Variants in KIRREL3 observed in about 807,000 individuals in gnomAD.
KIRREL3 encodes the protein kin of IRRE-like protein 3.
KIRREL3 carries 36 observed loss-of-function variants against 89.7 expected under a neutral mutation model. The ratio of observed to expected loss-of-function variants is 0.40; its 90% confidence interval spans 0.31 to 0.53. The LOEUF (loss-of-function observed/expected upper bound fraction) is 0.53. Among genes scored for constraint, KIRREL3 ranks in the 20% least tolerant of loss-of-function variants. The pLI is 0.49. For synonymous variants in KIRREL3, 445 were observed against 441.4 expected (o/e 1.01, Z -0.10); for missense variants, 864 against 1,056.6 (o/e 0.82, Z 2.53).
At position 126,997,975 on chromosome 11, in the gene KIRREL3, A is replaced by G. The variant is rs1367662781; in HGVS notation, c.55+2480T>C. On this transcript the variant is annotated intron_variant, in intron 1 of 16. Transcript: ENST00000525144. The surrounding 1 kb of genome is among the most constrained non-coding windows in gnomAD (Gnocchi z 4.3). ...AGCATGCAGGAGGCAGGGGTCAAGC[A>G]GGTGGCTGTGTGAGGGTGCCGGGTG... Among the ~76,000 whole-genome samples the G allele has an allele frequency of 6.6e-6, 1 of 150,992 alleles. No homozygotes were observed. Among genetic ancestry groups the G allele is most frequent in the Non-Finnish European group, 1.5e-5 (1 of 67,750 alleles).
chr11:126,854,755 G>T (rs919175836), intron 1 of KIRREL3, among the ~76,000 whole-genome samples: 3 of 152,074 alleles, frequency 2.0e-5, no homozygotes, highest in Non-Finnish European at 2.9e-5. Flanking sequence ...CGAATTTCTG[G>T]TTCATATGGT....
intron 1 of KIRREL3, among the ~76,000 whole-genome samples, chr11:126,893,061 A>G (rs944919503): frequency 2.0e-5 from 3 of 152,210 alleles, no homozygotes; most frequent in East Asian, 1.9e-4. Flanking sequence ...TCGCATTTAC[A>G]TTAAAGAAGT....
chr11:126,715,993 A>G lies in KIRREL3; in HGVS notation c.56-153081T>C, dbSNP rs1486137137. On this transcript the variant is annotated intron_variant, in intron 1 of 16. Coordinates refer to ENST00000525144, the MANE Select transcript of KIRREL3 (RefSeq NM_032531.4). This position sits in a 1 kb window ranked among gnomAD's most constrained non-coding sequence, Gnocchi z 4.4. ...CACCCAATGTTAGTTCTTAGGCATG[A>G]GGTTGGGCAGGAGAAGGGCGGAGGA... is the stretch of plus-strand genomic sequence containing the variant. Among the ~76,000 whole-genome samples the G allele has an allele frequency of 6.6e-6, 1 of 152,008 alleles. No homozygotes were observed. Among genetic ancestry groups the G allele is most frequent in the Non-Finnish European group, 1.5e-5 (1 of 68,010 alleles).
intron 2 of KIRREL3, among the ~76,000 whole-genome samples, chr11:126,552,455 T>C (rs539536480): frequency 2.6e-5 from 4 of 151,654 alleles, no homozygotes; most frequent in African/African-American, 9.7e-5. Context: ...AAAAACACAG[T>C]GACAGTTTTT....
rs1423644857 is a variant in KIRREL3 at position 126,448,989 on chromosome 11, G to A, written c.997+20C>T. 1 of 1,587,952 alleles carries A rather than the reference G, an allele frequency of 6.3e-7. No individual in the cohort carries two copies. Among genetic ancestry groups the A allele is most frequent in the Non-Finnish European group, 8.6e-7 (1 of 1,160,864 alleles). ...AGTGGATGCCTGCTCGCCTGGGGAA[G>A]CCTGCACCACTGCACTCACAGTAGA... is the stretch of plus-strand genomic sequence containing the variant. On this transcript the variant is annotated intron_variant, in intron 8 of 16. Transcript: ENST00000525144.
At chr11:126,893,766 C>T (rs988916333) in intron 1 of KIRREL3, among the ~76,000 whole-genome samples, 2 of 152,174 alleles carry the variant, frequency 1.3e-5, no homozygotes, top group Admixed American at 6.5e-5. Flanking sequence ...TCCTATTAAA[C>T]GATGCGTGTT....
intron 1 of KIRREL3, among the ~76,000 whole-genome samples, chr11:126,874,617 T>C (rs1945210397): frequency 6.6e-6 from 1 of 152,166 alleles, no homozygotes; most frequent in Admixed American, 6.5e-5. Flanking sequence ...AACAAACAGT[T>C]TGGGAAGGAA....
At chr11:126,460,048 C>A (rs543484200) in intron 6 of KIRREL3, among the ~76,000 whole-genome samples, 33 of 150,610 alleles carry the variant, frequency 2.2e-4, no homozygotes, top group Non-Finnish European at 4.1e-4. Context: ...CCATGGTGTC[C>A]TTAGTAAACA....
intron 1 of KIRREL3, among the ~76,000 whole-genome samples, chr11:126,637,994 G>C (rs991487514): frequency 6.6e-5 from 10 of 152,208 alleles, no homozygotes; most frequent in African/African-American, 2.4e-4. Flanking sequence ...TAAATATTGA[G>C]GAATGGAGAG....
At chr11:126,502,143 C>A (rs1337107398) in intron 4 of KIRREL3, among the ~76,000 whole-genome samples, 1 of 152,224 alleles carries the variant, frequency 6.6e-6, no homozygotes, top group Non-Finnish European at 1.5e-5. Context: ...CCTGCCCTGG[C>A]CTCCCCTTAA....
At chr11:126,854,646 C>T (rs1294610055) in intron 1 of KIRREL3, among the ~76,000 whole-genome samples, 3 of 152,154 alleles carry the variant, frequency 2.0e-5, no homozygotes, top group South Asian at 2.1e-4. Flanking sequence ...CCGGTTGCTT[C>T]CACCATTGAC....
In KIRREL3 at chr11:126,491,352, G is replaced by A. The variant is rs1051009405; in HGVS notation, c.434-17886C>T. ...TGGCTCTGAGCGGGTGCTTTATTGT[G>A]TGATGGGTGGGGACACTTGCTCTCA... On this transcript the variant is annotated intron_variant, in intron 4 of 16. Transcript: ENST00000525144. The surrounding 1 kb of genome is among the most constrained non-coding windows in gnomAD (Gnocchi z 5.5). 2.6e-5 allele frequency among the ~76,000 whole-genome samples: 4 copies of A among 152,182 alleles called. No individual in the cohort carries two copies. The highest frequency in any genetic ancestry group is 1.3e-4 in the Admixed American group (2 of 15,286).
chr11:126,789,060 G>T (rs1405719021), intron 1 of KIRREL3, among the ~76,000 whole-genome samples: 2 of 152,116 alleles, frequency 1.3e-5, no homozygotes, highest in African/African-American at 4.8e-5. Flanking sequence ...TGCATGCGAT[G>T]ATGCTGTAAC....
At position 126,689,698 on chromosome 11, in the gene KIRREL3, A is replaced by G. The variant is rs1291789032; in HGVS notation, c.56-126786T>C. ...CTTTTACGCAGTTTCGCTTCAAGTC[A>G]GTGCAACTAGCTACCTGTCTTCCTG... On this transcript the variant is annotated intron_variant, in intron 1 of 16. Transcript: ENST00000525144. This position sits in a 1 kb window ranked among gnomAD's most constrained non-coding sequence, Gnocchi z 5.2. 6.6e-6 allele frequency among the ~76,000 whole-genome samples: 1 copy of G among 152,232 alleles called. No homozygotes were observed. Among genetic ancestry groups the G allele is most frequent in the Non-Finnish European group, 1.5e-5 (1 of 68,042 alleles).
rs1052131111 is a variant in KIRREL3, at chr11:126,729,888, T to G, written c.56-166976A>C. Among the ~76,000 whole-genome samples, 1 of 152,146 alleles carries G rather than the reference T, an allele frequency of 6.6e-6. No individual in the cohort carries two copies. ...ATAGGCTCCTCTGCTCCTAAACCAG[T>G]CCTTTGAGGTATCTGGCAGACAGTT... On this transcript the variant is annotated intron_variant, in intron 1 of 16. Coordinates refer to ENST00000525144, the MANE Select transcript of KIRREL3 (RefSeq NM_032531.4). The surrounding 1 kb of genome is among the most constrained non-coding windows in gnomAD (Gnocchi z 4.5).
chr11:126,598,204 C>A (rs1384910006), intron 1 of KIRREL3, among the ~76,000 whole-genome samples: 1 of 152,192 alleles, frequency 6.6e-6, no homozygotes, highest in Non-Finnish European at 1.5e-5. Context: ...TAGTGTGTGT[C>A]ACATTTTGTT....
At chr11:126,720,810 G>A (rs1222107043) in intron 1 of KIRREL3, among the ~76,000 whole-genome samples, 1 of 152,204 alleles carries the variant, frequency 6.6e-6, no homozygotes, top group African/African-American at 2.4e-5. Context: ...GGCTGGCATT[G>A]AAGAGGAAGC....
At position 126,495,615 on chromosome 11, in the gene KIRREL3, C is replaced by T. The variant is rs760863222; in HGVS notation, c.434-22149G>A. Reference sequence around the variant, plus strand: ...AGCAGCAGATGCCTCAGGAAGGAAGCGACCCTGTTGTGTCCTCCCTGCTGT... The same window carrying T: ...AGCAGCAGATGCCTCAGGAAGGAAGTGACCCTGTTGTGTCCTCCCTGCTGT... On this transcript the variant is annotated intron_variant, in intron 4 of 16. Transcript: ENST00000525144. The surrounding 1 kb of genome is among the most constrained non-coding windows in gnomAD (Gnocchi z 6.5). Among the ~76,000 whole-genome samples, 7 of 152,162 alleles carry T rather than the reference C, an allele frequency of 4.6e-5. No homozygotes were observed. Among genetic ancestry groups the T allele is most frequent in the Non-Finnish European group, 8.8e-5 (6 of 68,034 alleles).
At position 126,576,465 on chromosome 11, in the gene KIRREL3, C is replaced by T. The variant is rs1478316320; in HGVS notation, c.56-13553G>A. On this transcript the variant is annotated intron_variant, in intron 1 of 16. Coordinates refer to ENST00000525144, the MANE Select transcript of KIRREL3 (RefSeq NM_032531.4). The surrounding 1 kb of genome is among the most constrained non-coding windows in gnomAD (Gnocchi z 5.4). ...AGACAGAGAAGAATTTTTGCCTTCCCAAGCTTCCATTTTAGACAGCTTCTA... is the reference window on the plus strand; with the variant it reads ...AGACAGAGAAGAATTTTTGCCTTCCTAAGCTTCCATTTTAGACAGCTTCTA... 2.6e-5 allele frequency among the ~76,000 whole-genome samples: 4 copies of T among 152,114 alleles called. No individual in the cohort carries two copies. Among genetic ancestry groups the T allele is most frequent in the East Asian group, 1.9e-4 (1 of 5,190 alleles).
Sources: gnomAD v4.1 joint callset for allele counts (sites outside exome capture counted in the v4.1 genomes callset) on GRCh38, gnomAD v4.1.1 for gene constraint, Gnocchi (gnomAD v3.1) non-coding constraint, MANE v1.5 for transcripts, NCBI Gene and HGNC (gene_info 2026-07-23, HGNC 2026-07-21) for gene names.